The following RIN2 variants were observed in gnomAD, a reference collection of about 807,000 sequenced individuals.
The protein encoded by RIN2 is RAB5 interacting protein 2.
A neutral mutation model predicts 78.0 loss-of-function variants in RIN2; 36 were observed. The ratio of observed to expected loss-of-function variants is 0.46; its 90% CI spans 0.35 to 0.61. RIN2 has a LOEUF of 0.61. Among genes scored for constraint, RIN2 ranks in the 20% least tolerant of loss-of-function variants. RIN2 has a pLI of 0.00. For missense variants in RIN2, 1,087 were observed against 1,159.7 expected, an observed-to-expected ratio of 0.94 and a Z score of 0.91; for synonymous variants, 466 against 466.8, an observed-to-expected ratio of 1.00 and a Z score of 0.02.
At chr20:19,903,670 C>T (rs2039087714) in intron 3 of RIN2, among the ~76,000 whole-genome samples, 1 of 152,154 alleles carries the variant, frequency 6.6e-6, no homozygotes, top group Admixed American at 6.5e-5. Context: ...ACCAGGACAG[C>T]CCCCACGACA....
chr20:19,989,951 T>C, intron 9 of RIN2, 55 bp from the exon 10 acceptor site: 2 of 1,450,060 alleles, frequency 1.4e-6, no homozygotes, highest in Non-Finnish European at 1.8e-6. Flanking sequence ...AAAGCAGATG[T>C]TGCATTTCTT....
chr20:19,920,122 G>A (rs550364613), intron 3 of RIN2, among the ~76,000 whole-genome samples: 39 of 152,018 alleles, frequency 2.6e-4, no homozygotes, highest in Middle Eastern at 3.4e-3. Flanking sequence ...GTGAAACCCC[G>A]TCTCTACTAA....
At chr20:19,941,028 CT>C (rs1426612483) in intron 4 of RIN2, among the ~76,000 whole-genome samples, 1 of 152,204 alleles carries the variant, frequency 6.6e-6, no homozygotes, top group Non-Finnish European at 1.5e-5. Flanking sequence ...TGCCACTTCG[CT>C]GGTGTCCTCT....
intron 3 of RIN2, among the ~76,000 whole-genome samples, chr20:19,934,062 G>A (rs996906397): frequency 6.6e-6 from 1 of 151,972 alleles, no homozygotes; most frequent in Non-Finnish European, 1.5e-5. Context: ...TGCCTGCCTC[G>A]GCCTCCCAAA....
At chr20:19,960,833 A>G (rs1440719513) in intron 6 of RIN2, 22 bp downstream of exon 6, 1 of 1,474,630 alleles carries the variant, frequency 6.8e-7, no homozygotes. Context: ...TTGGATGCTC[A>G]GGTCCTGACT....
At chr20:19,772,977 A>G (rs1297617812) in intron 1 of RIN2, among the ~76,000 whole-genome samples, 1 of 152,206 alleles carries the variant, frequency 6.6e-6, no homozygotes, top group Non-Finnish European at 1.5e-5. Flanking sequence ...GTAACAAAAT[A>G]CCACAAACAA....
At chr20:19,943,528 T>A (rs1196806980) in intron 4 of RIN2, among the ~76,000 whole-genome samples, 3 of 152,142 alleles carry the variant, frequency 2.0e-5, no homozygotes, top group Non-Finnish European at 2.9e-5. Context: ...AGGAATAAAA[T>A]CTGTAACCCC....
intron 2 of RIN2, among the ~76,000 whole-genome samples, chr20:19,858,340 G>A (rs969172031): frequency 1.3e-5 from 2 of 152,154 alleles, no homozygotes; most frequent in East Asian, 1.9e-4. Flanking sequence ...CAACAAATTA[G>A]GGGAATAGAT....
chr20:19,935,302 T>C, intron 4 of RIN2, 103 bp downstream of exon 4: 1 of 1,275,632 alleles, frequency 7.8e-7, no homozygotes, highest in Non-Finnish European at 1.1e-6. Flanking sequence ...GTCTGGGAGC[T>C]GGGAGTGTGG....
In RIN2 at chr20:19,817,848, T is replaced by C. The variant is rs1257108601; in HGVS notation, c.-37+18101T>C. On this transcript the variant is annotated intron_variant, in intron 2 of 12. Coordinates refer to ENST00000255006, the MANE Select transcript of RIN2 (RefSeq NM_018993.4). Reference sequence around the variant, plus strand: ...CTGAGCACTCCATCACTATTGAATATCGCCTCTCCAAAAAACATTAAATAT... The same window carrying C: ...CTGAGCACTCCATCACTATTGAATACCGCCTCTCCAAAAAACATTAAATAT... Among the ~76,000 whole-genome samples the C allele has an allele frequency of 2.0e-5, 3 of 152,228 alleles. No individual in the cohort carries two copies. The East Asian group carries it at 5.8e-4, about 29-fold the overall frequency.
intron 12 of RIN2, among the ~76,000 whole-genome samples, chr20:19,998,605 T>C (rs1222942240): frequency 6.6e-6 from 1 of 152,124 alleles, no homozygotes; most frequent in East Asian, 1.9e-4. Flanking sequence ...AATGAGACCC[T>C]GTATCAAAAA....
At chr20:19,887,433 T>C (rs1224804785) in intron 2 of RIN2, among the ~76,000 whole-genome samples, 1 of 152,208 alleles carries the variant, frequency 6.6e-6, no homozygotes, top group Non-Finnish European at 1.5e-5. Flanking sequence ...TACCTGCTGC[T>C]GCACCTGGCA....
intron 9 of RIN2, among the ~76,000 whole-genome samples, chr20:19,978,193 A>G (rs1443055956): frequency 2.0e-5 from 3 of 152,170 alleles, no homozygotes; most frequent in Admixed American, 6.5e-5. Context: ...CTCATTTCCT[A>G]TAGCTTCTGA....
intron 2 of RIN2, among the ~76,000 whole-genome samples, chr20:19,851,487 C>T (rs554594271): frequency 6.6e-6 from 1 of 152,196 alleles, no homozygotes; most frequent in East Asian, 1.9e-4. Context: ...CTTAAGGAGG[C>T]TGAGGCAGGA....
intron 2 of RIN2, among the ~76,000 whole-genome samples, chr20:19,841,573 T>C (rs540686989): frequency 1.3e-5 from 2 of 152,268 alleles, no homozygotes; most frequent in East Asian, 1.9e-4. Flanking sequence ...GGGCTTATCA[T>C]GTGACAAAAG....
intron 1 of RIN2, among the ~76,000 whole-genome samples, chr20:19,779,596 G>C (rs1343432088): frequency 1.3e-5 from 2 of 152,198 alleles, no homozygotes; most frequent in Non-Finnish European, 2.9e-5. Context: ...ATGAAAAATT[G>C]ATTCATTCTG....
intron 3 of RIN2, among the ~76,000 whole-genome samples, chr20:19,920,770 A>C (rs2039884004): frequency 6.6e-6 from 1 of 152,062 alleles, no homozygotes; most frequent in African/African-American, 2.4e-5. Flanking sequence ...TCCACCCCCC[A>C]AGTTCAAGCG....
At chr20:19,875,376 A>G (rs2037824399) in intron 2 of RIN2, among the ~76,000 whole-genome samples, 1 of 152,072 alleles carries the variant, frequency 6.6e-6, no homozygotes, top group Admixed American at 6.5e-5. Flanking sequence ...CATGTTGGCG[A>G]GGCTGGTCTC....
chr20:19,907,480 A>G (rs2039269146), intron 3 of RIN2, among the ~76,000 whole-genome samples: 1 of 152,316 alleles, frequency 6.6e-6, no homozygotes, highest in African/African-American at 2.4e-5. Context: ...GTGCATTCTC[A>G]TCCTTCACTT....
Sources: allele counts gnomAD v4.1 joint callset (sites outside exome capture counted in the v4.1 genomes callset), GRCh38; gene constraint gnomAD v4.1.1; transcripts MANE v1.5; gene names NCBI Gene and HGNC (gene_info 2026-07-23, HGNC 2026-07-21).